Variants in WRNIP1 observed in about 807,000 individuals in gnomAD.
The protein encoded by WRNIP1 is ATPase WRNIP1.
Under a neutral mutation model 56.1 loss-of-function variants are expected in WRNIP1, and 41 were observed. The ratio of observed to expected loss-of-function variants is 0.73; its 90% confidence interval spans 0.57 to 0.95. The LOEUF is 0.95. Among genes scored for constraint, WRNIP1 ranks in the 40% least tolerant of loss-of-function variants. WRNIP1 has a pLI of 0.00. For missense variants in WRNIP1, 1,170 were observed against 939.4 expected, an observed-to-expected ratio of 1.25 and a Z score of -3.21; for synonymous variants, 547 against 398.1, an observed-to-expected ratio of 1.37 and a Z score of -4.45.
intron 3 of WRNIP1, among the ~76,000 whole-genome samples, chr6:2,774,976 C>T (rs1487476362): frequency 6.6e-6 from 1 of 152,188 alleles, no homozygotes; most frequent in African/African-American, 2.4e-5. Context: ...AAGCATTCCA[C>T]ATGTCTTAAT....
At chr6:2,767,759 A>C (rs1410564815) in intron 1 of WRNIP1, among the ~76,000 whole-genome samples, 1 of 152,220 alleles carries the variant, frequency 6.6e-6, no homozygotes, top group African/African-American at 2.4e-5. Flanking sequence ...GGGTGAGCTC[A>C]TCCCACCTAC....
chr6:2,768,996 G>A (rs1374891015), intron 2 of WRNIP1, 114 bp downstream of exon 2: 5 of 1,105,302 alleles, frequency 4.5e-6, no homozygotes, highest in East Asian at 2.6e-5. Context: ...AAGAAGCGTA[G>A]GCTTGTGAAC....
chr6:2,783,960 A>G (rs972145316), intron 5 of WRNIP1, among the ~76,000 whole-genome samples: 1 of 152,176 alleles, frequency 6.6e-6, no homozygotes, highest in Non-Finnish European at 1.5e-5. Flanking sequence ...ATATGAAGAA[A>G]AAGATCAGGA....
intron 6 of WRNIP1, among the ~76,000 whole-genome samples, chr6:2,784,731 T>C (rs2113488271): frequency 6.6e-6 from 1 of 152,100 alleles, no homozygotes; most frequent in East Asian, 1.9e-4. Flanking sequence ...TCATCTCTTT[T>C]ATATATTGGG....
At chr6:2,778,859 G>A (rs1188954456) in intron 3 of WRNIP1, among the ~76,000 whole-genome samples, 6 of 152,184 alleles carry the variant, frequency 3.9e-5, no homozygotes, top group African/African-American at 9.7e-5. Flanking sequence ...CTGTCTCATC[G>A]GATGTAGGCT....
chr6:2,781,793 C>T (rs1765567280), intron 4 of WRNIP1, among the ~76,000 whole-genome samples: 1 of 152,226 alleles, frequency 6.6e-6, no homozygotes, highest in Admixed American at 6.5e-5. Context: ...AATCTTTTTA[C>T]AGTGCCTGCT....
intron 4 of WRNIP1, among the ~76,000 whole-genome samples, chr6:2,781,658 C>G (rs1025595776): frequency 8.5e-5 from 13 of 152,252 alleles, no homozygotes; most frequent in Non-Finnish European, 1.9e-4. Flanking sequence ...AGCAAACTCT[C>G]TGCCATGCAT....
intron 3 of WRNIP1, among the ~76,000 whole-genome samples, chr6:2,770,629 G>T (rs1233894096): frequency 1.3e-5 from 2 of 152,152 alleles, no homozygotes; most frequent in African/African-American, 4.8e-5. Flanking sequence ...TTTGGTTCTT[G>T]GGTGTTTGCT....
At chr6:2,775,884 T>A (rs1765420808) in intron 3 of WRNIP1, among the ~76,000 whole-genome samples, 1 of 152,244 alleles carries the variant, frequency 6.6e-6, no homozygotes, top group African/African-American at 2.4e-5. Flanking sequence ...TCCTATTGTT[T>A]ATTTCCATGT....
At chr6:2,776,691 C>G (rs528353867) in intron 3 of WRNIP1, among the ~76,000 whole-genome samples, 279 of 152,292 alleles carry the variant, frequency 1.8e-3, no homozygotes, top group African/African-American at 6.4e-3. Context: ...TTAATAAGGC[C>G]TGCCTCCCTG....
At chr6:2,776,010 A>T (rs1051296211) in intron 3 of WRNIP1, among the ~76,000 whole-genome samples, 1 of 152,206 alleles carries the variant, frequency 6.6e-6, no homozygotes, top group African/African-American at 2.4e-5. Context: ...ATATATGCTT[A>T]ATTTTAATAT....
chr6:2,766,713 T>TA (rs1765017404), intron 1 of WRNIP1, among the ~76,000 whole-genome samples: 1 of 152,224 alleles, frequency 6.6e-6, no homozygotes, highest in Admixed American at 6.5e-5. Flanking sequence ...TTACAAGATG[T>TA]GGACTCTTAG....
At chr6:2,781,516 T>C (rs920767740) in intron 4 of WRNIP1, among the ~76,000 whole-genome samples, 3 of 152,214 alleles carry the variant, frequency 2.0e-5, no homozygotes, top group Non-Finnish European at 2.9e-5. Context: ...TTGGGCCTTT[T>C]TATAACTCCA....
chr6:2,770,751 C>A (rs1765250747), intron 3 of WRNIP1, among the ~76,000 whole-genome samples: 1 of 151,870 alleles, frequency 6.6e-6, no homozygotes, highest in African/African-American at 2.4e-5. Flanking sequence ...CCATACAACT[C>A]TTTTGAGCAT....
rs949456761 is a variant in WRNIP1, at chr6:2,770,012, C to T, written c.1015-108C>T. 5.4e-6 allele frequency: 8 copies of T among 1,494,534 alleles called. No individual in the cohort carries two copies. The African/African-American group carries it at 7.0e-5, about 13-fold the overall frequency. The allele number at this position is 1,494,534 out of a possible 1,614,324, so 92.6% of individuals were successfully genotyped here. A position where few individuals can be genotyped will look rare whatever the true frequency, so the allele number is the denominator to read the frequency against. On this transcript the variant is annotated intron_variant, in intron 2 of 6. Transcript: ENST00000380773. ...ATAAGGCTGCTGCTATTCCTGAACT[C>T]GAAAGATAAAAATGAGGAAAAGGAA...
intron 2 of WRNIP1, 46 bp from the exon 3 acceptor site, chr6:2,770,074 G>A (rs780950853): frequency 2.5e-6 from 4 of 1,610,578 alleles, no homozygotes; most frequent in African/African-American, 1.3e-5. Context: ...TTCTGCAGGT[G>A]GCTGTTGACT....
Position 2,779,357 on chromosome 6 carries a change from G to T in WRNIP1, c.1351G>T (p.Val451Leu), listed in dbSNP as rs371002200. ...RAGLNGLQLA[V>L]LARLSSRKMF... ...TGGGTTGAACGGACTGCAGCTGGCGGTGCTGGCTAGGTTAAGCTCTAGGAA... is the reference window on the plus strand; with the variant it reads ...TGGGTTGAACGGACTGCAGCTGGCGTTGCTGGCTAGGTTAAGCTCTAGGAA... Residue 451 changes from valine (V) to leucine (L), a missense_variant, in exon 4 of 7, where the codon GTG becomes TTG. Val to Leu is a conservative substitution (Grantham distance 32). Transcript: ENST00000380773. The T allele has an allele frequency of 3.2e-5, 51 of 1,614,110 alleles. No homozygotes were observed. The highest frequency in any genetic ancestry group is 4.2e-5 in the Non-Finnish European group (50 of 1,180,052).
Position 2,785,409 on chromosome 6 carries a change from A to T in WRNIP1, c.*127A>T. 1 of 1,119,178 alleles carries T rather than the reference A, an allele frequency of 8.9e-7. No individual in the cohort carries two copies. The highest frequency in any genetic ancestry group is 1.3e-6 in the Non-Finnish European group (1 of 797,812). 69.3% of individuals were successfully genotyped at this position (1,119,178 alleles called of 1,614,324 possible). A position where few individuals can be genotyped will look rare whatever the true frequency, so the allele number is the denominator to read the frequency against. On this transcript the variant is annotated 3_prime_UTR_variant, in exon 7 of 7. Transcript: ENST00000380773. ...GACCAACATTTTGTGCCAGAAATTT[A>T]AGAGTTCCATAGGTGGAGGCGCAGT...
At chr6:2,776,066 C>A (rs1765424411) in intron 3 of WRNIP1, among the ~76,000 whole-genome samples, 1 of 152,186 alleles carries the variant, frequency 6.6e-6, no homozygotes, top group South Asian at 2.1e-4. Context: ...ACTGGGAACA[C>A]TCTTTCAAAA....
Sources: allele counts gnomAD v4.1 joint callset (sites outside exome capture counted in the v4.1 genomes callset), GRCh38; gene constraint gnomAD v4.1.1; transcripts MANE v1.5; gene names NCBI Gene and HGNC (gene_info 2026-07-23, HGNC 2026-07-21).